CDK14: variants seen among roughly 807,000 people sequenced by gnomAD.
CDK14 encodes the protein cyclin dependent kinase 14.
In CDK14, 34 loss-of-function variants were observed where a neutral mutation model predicts 60.7. That is an observed-to-expected ratio of 0.56 (90% CI 0.43 to 0.75). The LOEUF (loss-of-function observed/expected upper bound fraction) is 0.75. Among genes scored for constraint, CDK14 ranks in the 30% least tolerant of loss-of-function variants. The pLI, the probability that CDK14 is intolerant of heterozygous loss-of-function variation, is 0.00. For missense variants in CDK14, 482 were observed against 564.1 expected (o/e 0.85, Z 1.47); for synonymous variants, 197 against 203.7 (o/e 0.97, Z 0.28).
intron 10 of CDK14, among the ~76,000 whole-genome samples, chr7:90,990,241 G>T (rs1345030607): frequency 6.6e-6 from 1 of 152,146 alleles, no homozygotes; most frequent in African/African-American, 2.4e-5. Flanking sequence ...TTGTGCCACT[G>T]CACTCCAGCC....
chr7:90,956,812 C>T (rs1021299417), intron 9 of CDK14, among the ~76,000 whole-genome samples: 3 of 148,702 alleles, frequency 2.0e-5, no homozygotes, highest in African/African-American at 5.0e-5. Flanking sequence ...CCCCTTCCTG[C>T]ATCCATGTGT....
chr7:91,173,870 A>G (rs1326772592), intron 14 of CDK14, among the ~76,000 whole-genome samples: 1 of 152,162 alleles, frequency 6.6e-6, no homozygotes, highest in South Asian at 2.1e-4. Context: ...GGCGGCAGCG[A>G]GGCTGGGGGA....
At chr7:90,809,533 T>C (rs1789002381) in intron 5 of CDK14, among the ~76,000 whole-genome samples, 1 of 151,894 alleles carries the variant, frequency 6.6e-6, no homozygotes, top group Non-Finnish European at 1.5e-5. Flanking sequence ...AGATCTAAAA[T>C]TGACACCCTA....
chr7:90,764,248 A>G (rs1804446435), intron 4 of CDK14, among the ~76,000 whole-genome samples: 1 of 152,212 alleles, frequency 6.6e-6, no homozygotes, highest in Non-Finnish European at 1.5e-5. Flanking sequence ...GATTTTTGTG[A>G]AATAGGAACT....
intron 12 of CDK14, among the ~76,000 whole-genome samples, chr7:91,088,397 T>C (rs1250663615): frequency 6.6e-6 from 1 of 152,188 alleles, no homozygotes; most frequent in African/African-American, 2.4e-5. Context: ...CATTATGTCT[T>C]TAACAACAAC....
intron 2 of CDK14, among the ~76,000 whole-genome samples, chr7:90,634,132 C>A (rs754022339): frequency 2.6e-5 from 4 of 151,422 alleles, no homozygotes; most frequent in African/African-American, 9.7e-5. Flanking sequence ...TTATGATTTT[C>A]TTTTTTTTAA....
chr7:90,771,248 A>T (rs1245681681), intron 4 of CDK14, among the ~76,000 whole-genome samples: 1 of 152,092 alleles, frequency 6.6e-6, no homozygotes, highest in East Asian at 1.9e-4. Flanking sequence ...TTTTTCTTTA[A>T]CACTTCTTGC....
chr7:91,090,314 T>G (rs1210599890), intron 12 of CDK14, among the ~76,000 whole-genome samples: 3 of 152,188 alleles, frequency 2.0e-5, no homozygotes, highest in Non-Finnish European at 4.4e-5. Flanking sequence ...GCGTTACATA[T>G]TTTAAGGATA....
At chr7:91,181,632 A>T (rs769378702) in intron 14 of CDK14, among the ~76,000 whole-genome samples, 2 of 152,212 alleles carry the variant, frequency 1.3e-5, no homozygotes, top group Non-Finnish European at 2.9e-5. Context: ...TTTATAGAAA[A>T]GACAAGATGA....
chr7:91,172,665 C>T (rs568354685), intron 14 of CDK14, among the ~76,000 whole-genome samples: 29 of 152,292 alleles, frequency 1.9e-4, no homozygotes, highest in African/African-American at 6.3e-4. Flanking sequence ...CTGTGTTCCC[C>T]ACACACAGTT....
chr7:90,711,465 C>T (rs1273952171), intron 2 of CDK14, among the ~76,000 whole-genome samples: 2 of 150,002 alleles, frequency 1.3e-5, no homozygotes, highest in African/African-American at 4.9e-5. Flanking sequence ...TTTACCTTTA[C>T]TTTGTGTGAG....
intron 12 of CDK14, among the ~76,000 whole-genome samples, chr7:91,081,330 C>T (rs1317950947): frequency 1.3e-5 from 2 of 152,156 alleles, no homozygotes; most frequent in African/African-American, 2.4e-5. Flanking sequence ...AAGACTATTA[C>T]GCGAGTGATG....
intron 5 of CDK14, among the ~76,000 whole-genome samples, chr7:90,822,705 C>T (rs1562786903): frequency 6.6e-6 from 1 of 152,154 alleles, no homozygotes; most frequent in Non-Finnish European, 1.5e-5. Flanking sequence ...TACAATAAAA[C>T]ATAATGTTGC....
intron 2 of CDK14, among the ~76,000 whole-genome samples, chr7:90,645,990 T>C (rs1800459245): frequency 6.6e-6 from 1 of 152,176 alleles, no homozygotes; most frequent in African/African-American, 2.4e-5. Context: ...ACAACTGACA[T>C]TTATGGGTGG....
chr7:90,878,072 CTGTGTGTGTG>C (rs142735469), intron 6 of CDK14, among the ~76,000 whole-genome samples: 1 of 147,686 alleles, frequency 6.8e-6, no homozygotes, highest in African/African-American at 2.5e-5. Context: ...CATTGTGTGG[CTGTGTGTGTG>C]TGTGTGTGTG....
chr7:90,596,731 C>T lies in CDK14; in HGVS notation c.91+13C>T. On this transcript the variant is annotated intron_variant, in intron 1 of 14. Coordinates refer to ENST00000380050, the MANE Select transcript of CDK14 (RefSeq NM_001287135.2). Reference sequence around the variant, plus strand: ...TTCAGTCGCATTGGTGAGTAGCGCGCTGCCCCCGGCCCCCCCAGCGCCCGC... The same window carrying T: ...TTCAGTCGCATTGGTGAGTAGCGCGTTGCCCCCGGCCCCCCCAGCGCCCGC... The T allele has an allele frequency of 6.2e-7, 1 of 1,603,154 alleles. No individual in the cohort carries two copies. The highest frequency in any genetic ancestry group is 1.3e-5 in the African/African-American group (1 of 74,774).
At chr7:90,995,925 T>C (rs1795670674) in intron 10 of CDK14, among the ~76,000 whole-genome samples, 1 of 152,236 alleles carries the variant, frequency 6.6e-6, no homozygotes, top group African/African-American at 2.4e-5. Context: ...AACTCTACTC[T>C]AAAAGATACA....
In CDK14 at chr7:90,959,553, C is replaced by T. The variant is rs189818051; in HGVS notation, c.947+3736C>T. On this transcript the variant is annotated intron_variant, in intron 9 of 14. Coordinates refer to ENST00000380050, the MANE Select transcript of CDK14 (RefSeq NM_001287135.2). ...TAACCCATGGAGAATAGCAGGGAGG[C>T]AGGTGGCAGTAGTTTCAGGCTTTCT... 3.9e-5 allele frequency among the ~76,000 whole-genome samples: 6 copies of T among 152,138 alleles called. No homozygotes were observed. In the East Asian group the frequency reaches 1.2e-3, roughly 29 times the overall value.
chr7:90,893,817 C>T (rs951469409), intron 6 of CDK14, among the ~76,000 whole-genome samples: 3 of 152,098 alleles, frequency 2.0e-5, no homozygotes, highest in Admixed American at 1.3e-4. Context: ...CTCTTGTTCC[C>T]TCTTCCATAT....
Sources: gnomAD v4.1 joint callset for allele counts (sites outside exome capture counted in the v4.1 genomes callset) on GRCh38, gnomAD v4.1.1 for gene constraint, MANE v1.5 for transcripts, NCBI Gene and HGNC (gene_info 2026-07-23, HGNC 2026-07-21) for gene names.